Variants in TIAM1 observed in about 807,000 individuals in gnomAD.
The protein encoded by TIAM1 is TIAM Rac1 associated GEF 1.
Under a neutral mutation model 163.5 loss-of-function variants are expected in TIAM1, and 65 were observed. That is an observed-to-expected ratio of 0.40 (90% CI 0.33 to 0.49). The LOEUF (loss-of-function observed/expected upper bound fraction) is 0.49. TIAM1 is among the 20% of genes least tolerant of loss of function. The probability of loss-of-function intolerance (pLI) is 0.77; values close to 1 mark genes in which losing one functional copy is unlikely to be tolerated. For missense variants in TIAM1, 1,789 were observed against 2,044.7 expected, an observed-to-expected ratio of 0.87 and a Z score of 2.41; for synonymous variants, 833 against 810.1, an observed-to-expected ratio of 1.03 and a Z score of -0.48.
intron 16 of TIAM1, among the ~76,000 whole-genome samples, chr21:31,163,012 ACT>A (rs1390028926): frequency 6.6e-6 from 1 of 151,976 alleles, no homozygotes. Flanking sequence ...ATTATACAGG[ACT>A]CTGTTTATGA....
chr21:31,191,493 C>T (rs1464854188), intron 13 of TIAM1, among the ~76,000 whole-genome samples: 1 of 152,130 alleles, frequency 6.6e-6, no homozygotes, highest in Non-Finnish European at 1.5e-5. Context: ...GGAACAGGTG[C>T]CAACTGTTTG....
chr21:31,184,962 A>G (rs2085209682), intron 14 of TIAM1, among the ~76,000 whole-genome samples: 2 of 152,192 alleles, frequency 1.3e-5, no homozygotes, highest in Admixed American at 1.3e-4. Flanking sequence ...CTGCACAGGT[A>G]GCTTTGCAAG....
At chr21:31,417,172 G>A (rs905112791) in intron 2 of TIAM1, among the ~76,000 whole-genome samples, 16 of 152,040 alleles carry the variant, frequency 1.1e-4, no homozygotes, top group African/African-American at 2.7e-4. Context: ...ACAGGCATGC[G>A]CCACCACGTC....
chr21:31,318,424 T>C (rs1446083265), intron 2 of TIAM1, among the ~76,000 whole-genome samples: 1 of 152,192 alleles, frequency 6.6e-6, no homozygotes, highest in South Asian at 2.1e-4. Context: ...AATTCTGTCA[T>C]TCAAAGTGAA....
At chr21:31,364,867 T>C (rs1418321907) in intron 2 of TIAM1, among the ~76,000 whole-genome samples, 1 of 152,212 alleles carries the variant, frequency 6.6e-6, no homozygotes, top group African/African-American at 2.4e-5. Flanking sequence ...GCAAAGTTTT[T>C]CTTTAAAGAA....
chr21:31,497,673 T>C (rs1450411427), intron 1 of TIAM1, among the ~76,000 whole-genome samples: 1 of 152,210 alleles, frequency 6.6e-6, no homozygotes, highest in Non-Finnish European at 1.5e-5. Context: ...TAAAATTACT[T>C]TGAAAATATG....
At position 31,281,085 on chromosome 21, in the gene TIAM1, CAAAAAA is replaced by C. The variant is rs748020575; in HGVS notation, c.-188-4183_-188-4178del. Reference sequence around the variant, plus strand: ...TGGGCAACAAAGTGAGACCCTAACTCAAAAAAAAAAAAAAAAAAAAAAACAACGACA... The same window carrying C: ...TGGGCAACAAAGTGAGACCCTAACTCAAAAAAAAAAAAAAAAACAACGACA... On this transcript the variant is annotated intron_variant, in intron 2 of 27. Coordinates refer to ENST00000541036, the MANE Select transcript of TIAM1 (RefSeq NM_001353694.2). Among the ~76,000 whole-genome samples, 4 of 63,758 alleles carry C rather than the reference CAAAAAA, an allele frequency of 6.3e-5. No individual in the cohort carries two copies. In the East Asian group the frequency reaches 1.4e-3, roughly 23 times the overall value. The allele number at this position is 63,758 out of a possible 152,430, so 41.8% of individuals were successfully genotyped here.
chr21:31,237,944 T>C (rs2070979753), intron 6 of TIAM1, among the ~76,000 whole-genome samples: 1 of 152,168 alleles, frequency 6.6e-6, no homozygotes, highest in East Asian at 1.9e-4. Flanking sequence ...AGGAAAGAAC[T>C]TAAATTAAAA....
chr21:31,354,003 A>C (rs2076277617), intron 2 of TIAM1, among the ~76,000 whole-genome samples: 1 of 151,582 alleles, frequency 6.6e-6, no homozygotes, highest in Non-Finnish European at 1.5e-5. Context: ...AAGCCCAGCT[A>C]ATTTGTGTAT....
chr21:31,156,792 C>T (rs964900792), intron 16 of TIAM1, among the ~76,000 whole-genome samples: 1 of 152,170 alleles, frequency 6.6e-6, no homozygotes, highest in East Asian at 1.9e-4. Flanking sequence ...ACTAACTGTG[C>T]CCTGTCCCTG....
intron 1 of TIAM1, among the ~76,000 whole-genome samples, chr21:31,508,601 G>C (rs2051009804): frequency 6.6e-6 from 1 of 152,046 alleles, no homozygotes; most frequent in South Asian, 2.1e-4. Flanking sequence ...ATGTTGCCAG[G>C]CTGGTCTCAA....
At chr21:31,437,502 CAAA>C (rs778245444) in intron 2 of TIAM1, among the ~76,000 whole-genome samples, 4 of 106,478 alleles carry the variant, frequency 3.8e-5, no homozygotes. Context: ...GACCCTGTCT[CAAA>C]AAAAAAAAAA....
chr21:31,501,251 T>A (rs58326682), intron 1 of TIAM1, among the ~76,000 whole-genome samples: 217 of 152,158 alleles, frequency 1.4e-3, no homozygotes, highest in Middle Eastern at 0.01. Flanking sequence ...CCCACGTACA[T>A]TGCACCCTCC....
chr21:31,406,298 CA>C (rs755851565), intron 2 of TIAM1, among the ~76,000 whole-genome samples: 16 of 151,972 alleles, frequency 1.1e-4, no homozygotes, highest in Non-Finnish European at 2.1e-4. Flanking sequence ...GCCTATAGAG[CA>C]ATGATTAAGA....
chr21:31,191,766 G>A (rs1193625724), intron 13 of TIAM1, among the ~76,000 whole-genome samples: 1 of 152,178 alleles, frequency 6.6e-6, no homozygotes, highest in Non-Finnish European at 1.5e-5. Context: ...TGGGTTCTGT[G>A]AGTAATTCAG....
chr21:31,282,734 C>G (rs1202253963), intron 2 of TIAM1, among the ~76,000 whole-genome samples: 1 of 152,198 alleles, frequency 6.6e-6, no homozygotes, highest in Non-Finnish European at 1.5e-5. Flanking sequence ...ATGATAAGGG[C>G]CCCAAGTTCC....
intron 1 of TIAM1, among the ~76,000 whole-genome samples, chr21:31,525,831 C>A (rs926742741): frequency 6.6e-6 from 1 of 151,950 alleles, no homozygotes; most frequent in East Asian, 1.9e-4. Flanking sequence ...GTCAGGAGTT[C>A]GAGGCCAGCC....
intron 1 of TIAM1, among the ~76,000 whole-genome samples, chr21:31,494,802 C>A (rs946853329): frequency 6.6e-6 from 1 of 152,088 alleles, no homozygotes; most frequent in African/African-American, 2.4e-5. Context: ...GAGATCGCAC[C>A]ACTGAACTCC....
At chr21:31,204,472 T>G (rs2146530735) in intron 11 of TIAM1, among the ~76,000 whole-genome samples, 1 of 152,324 alleles carries the variant, frequency 6.6e-6, no homozygotes, top group Middle Eastern at 3.4e-3. Context: ...TCAAAATAAA[T>G]AAAGTTAATT....
Sources: gnomAD v4.1 joint callset for allele counts (sites outside exome capture counted in the v4.1 genomes callset) on GRCh38, gnomAD v4.1.1 for gene constraint, MANE v1.5 for transcripts, NCBI Gene and HGNC (gene_info 2026-07-23, HGNC 2026-07-21) for gene names.